Variants in PPP2R2C observed in about 807,000 individuals in gnomAD.
The protein encoded by PPP2R2C is protein phosphatase 2 regulatory subunit Bgamma.
Under a neutral mutation model 45.3 loss-of-function variants are expected in PPP2R2C, and 10 were observed. That is an observed-to-expected ratio of 0.22 (90% CI 0.14 to 0.37). The LOEUF is 0.37. PPP2R2C is among the 10% of genes least tolerant of loss of function. The pLI is 1.00. For missense variants in PPP2R2C, 308 were observed against 619.7 expected, an observed-to-expected ratio of 0.50 and a Z score of 5.34; for synonymous variants, 257 against 245.4, an observed-to-expected ratio of 1.05 and a Z score of -0.44.
chr4:6,387,656 C>CA (rs1577136232), intron 1 of PPP2R2C, among the ~76,000 whole-genome samples: 1 of 151,804 alleles, frequency 6.6e-6, no homozygotes, highest in Admixed American at 6.6e-5. Flanking sequence ...ACTAAAAATA[C>CA]AAAAAAATTA....
chr4:6,413,975 G>C, intron 1 of PPP2R2C: 1 of 1,535,862 alleles, frequency 6.5e-7, no homozygotes, highest in Non-Finnish European at 8.7e-7. Flanking sequence ...TGGCTCTGCA[G>C]TTGGCTACTG....
At chr4:6,486,404 T>C (rs923959183) in intron 2 of PPP2R2C, among the ~76,000 whole-genome samples, 1 of 152,052 alleles carries the variant, frequency 6.6e-6, no homozygotes, top group Non-Finnish European at 1.5e-5. Context: ...GTTGATAGTG[T>C]TGTTCATATC....
chr4:6,459,168 T>C (rs1188166704), intron 1 of PPP2R2C, among the ~76,000 whole-genome samples: 5 of 151,946 alleles, frequency 3.3e-5, no homozygotes, highest in Non-Finnish European at 5.9e-5. Context: ...CTCTGTTCCA[T>C]ATGGATGGCT....
At chr4:6,352,436 C>T (rs186742745) in intron 5 of PPP2R2C, among the ~76,000 whole-genome samples, 2 of 152,348 alleles carry the variant, frequency 1.3e-5, no homozygotes, top group Admixed American at 1.3e-4. Context: ...CAGGACTGGC[C>T]TCCCTTGGGA....
Position 6,372,562 on chromosome 4 carries a change from T to C in PPP2R2C, c.586A>G (p.Ile196Val). ...ETYMSADDLRINLWHLAITDR... is the reference protein window; with the variant it reads ...ETYMSADDLRVNLWHLAITDR... ...GTGATGGCCAGGTGCCAGAGGTTGATGCGCAGGTCATCCGCCGACATGTAG... is the reference window on the plus strand; with the variant it reads ...GTGATGGCCAGGTGCCAGAGGTTGACGCGCAGGTCATCCGCCGACATGTAG... The change falls in exon 5 of 9, where the codon ATC (isoleucine) becomes GTC (valine). Residue 196 changes from isoleucine (I) to valine (V), a missense_variant. Ile to Val is a conservative substitution (Grantham distance 29). Coordinates refer to ENST00000382599, the MANE Select transcript of PPP2R2C (RefSeq NM_020416.4). 2 of 1,614,196 alleles carry C rather than the reference T, an allele frequency of 1.2e-6. No homozygotes were observed.
intron 1 of PPP2R2C, among the ~76,000 whole-genome samples, chr4:6,410,960 C>G (rs1436808300): frequency 6.6e-6 from 1 of 151,962 alleles, no homozygotes; most frequent in Non-Finnish European, 1.5e-5. Context: ...CTTCAACCCT[C>G]CCAGGTTCAA....
At chr4:6,382,949 C>T in intron 1 of PPP2R2C, 1 of 1,076,736 alleles carries the variant, frequency 9.3e-7, no homozygotes, top group Non-Finnish European at 1.1e-6. Context: ...GTTCTAAAGG[C>T]AGCCCCCACC....
At chr4:6,519,119 T>C (rs1021041883) in intron 2 of PPP2R2C, among the ~76,000 whole-genome samples, 2 of 152,026 alleles carry the variant, frequency 1.3e-5, no homozygotes, top group East Asian at 1.9e-4. Flanking sequence ...ATGGAGAGGA[T>C]AGTGAGCAGA....
rs74825045 is a variant in PPP2R2C, at chr4:6,548,769, T to G, written c.-58-13392A>C. Among the ~76,000 whole-genome samples the G allele has an allele frequency of 4.2e-3, 647 of 152,310 alleles. 3 individuals are homozygous for G. Among genetic ancestry groups the G allele is most frequent in the African/African-American group, 0.015 (624 of 41,560 alleles). Reference sequence around the variant, plus strand: ...CTGAGGGCTGCCAGAAAGAACAGCCTTGGTTCAGTGGGAGAGGCAGATCCT... The same window carrying G: ...CTGAGGGCTGCCAGAAAGAACAGCCGTGGTTCAGTGGGAGAGGCAGATCCT... On this transcript the variant is annotated intron_variant, in intron 1 of 9. Transcript: ENST00000506140.
intron 2 of PPP2R2C, among the ~76,000 whole-genome samples, chr4:6,489,868 T>C (rs532853891): frequency 2.6e-5 from 4 of 152,288 alleles, no homozygotes; most frequent in Admixed American, 2.0e-4. Context: ...TCGAACTTAA[T>C]ACCAAAGAGA....
rs563325512 is a variant in PPP2R2C, at chr4:6,382,191, G to C, written c.71-1097C>G. 11 of 1,198,202 alleles carry C rather than the reference G, an allele frequency of 9.2e-6. No individual in the cohort carries two copies. In the African/African-American group the frequency reaches 1.4e-4, roughly 16 times the overall value. The allele number at this position is 1,198,202 out of a possible 1,614,324, so 74.2% of individuals were successfully genotyped here. The stretch of plus-strand genomic sequence containing the variant: ...ATGTCTTGGAAGATGGAAAGTTCTA[G>C]AATACCATCCCCATAGGCCCAAGCA... On this transcript the variant is annotated intron_variant, in intron 1 of 8. Transcript: ENST00000382599.
intron 2 of PPP2R2C, among the ~76,000 whole-genome samples, chr4:6,530,213 C>T (rs947721731): frequency 6.6e-6 from 1 of 152,112 alleles, no homozygotes; most frequent in African/African-American, 2.4e-5. Flanking sequence ...GAGGTACACA[C>T]CGTGAAAAAG....
chr4:6,552,233 T>TAAC (rs1327904997), intron 1 of PPP2R2C, among the ~76,000 whole-genome samples: 1 of 152,234 alleles, frequency 6.6e-6, no homozygotes. Flanking sequence ...ATGGCTGCTG[T>TAAC]AACACATTTC....
chr4:6,519,818 A>G (rs965770983), intron 2 of PPP2R2C, among the ~76,000 whole-genome samples: 2 of 152,184 alleles, frequency 1.3e-5, no homozygotes, highest in Non-Finnish European at 2.9e-5. Context: ...AGCAAGAAGG[A>G]CCTGAAAGTG....
chr4:6,537,915 A>C (rs1208560932), intron 1 of PPP2R2C, among the ~76,000 whole-genome samples: 1 of 152,140 alleles, frequency 6.6e-6, no homozygotes, highest in Non-Finnish European at 1.5e-5. Context: ...TTCCACTTAT[A>C]TGAAGTCCTG....
intron 4 of PPP2R2C, 67 bp downstream of exon 4, chr4:6,375,752 T>C: frequency 7.4e-7 from 1 of 1,345,064 alleles, no homozygotes; most frequent in Middle Eastern, 2.4e-4. Context: ...TCAAAGGCTT[T>C]TCCAGCCCTA....
chr4:6,436,234 C>T (rs1056708378), intron 1 of PPP2R2C, among the ~76,000 whole-genome samples: 14 of 152,210 alleles, frequency 9.2e-5, no homozygotes, highest in African/African-American at 3.1e-4. Context: ...TGGTATTCTG[C>T]TATAGCAGCA....
chr4:6,402,586 A>G (rs1385007260), intron 1 of PPP2R2C, among the ~76,000 whole-genome samples: 1 of 151,916 alleles, frequency 6.6e-6, no homozygotes, highest in East Asian at 1.9e-4. Context: ...CTAGGCCAGG[A>G]GTAGGTGGGA....
chr4:6,431,296 G>C (rs1170067891), intron 1 of PPP2R2C, among the ~76,000 whole-genome samples: 1 of 152,218 alleles, frequency 6.6e-6, no homozygotes, highest in Non-Finnish European at 1.5e-5. Context: ...CAAGATGTCT[G>C]CTGGCTCTCC....
Sources: allele counts gnomAD v4.1 joint callset (sites outside exome capture counted in the v4.1 genomes callset), GRCh38; gene constraint gnomAD v4.1.1; transcripts MANE v1.5; gene names NCBI Gene and HGNC (gene_info 2026-07-23, HGNC 2026-07-21).